The following PTPRD variants were observed in gnomAD, a reference collection of about 807,000 sequenced individuals.
The protein encoded by PTPRD is protein tyrosine phosphatase receptor type D, also known as receptor-type tyrosine-protein phosphatase delta.
In PTPRD, 34 loss-of-function variants were observed where a neutral mutation model predicts 214.5. The observed-to-expected ratio is 0.16, with a 90% CI of 0.12 to 0.21. PTPRD has a LOEUF of 0.21. Among genes scored for constraint, PTPRD ranks in the 10% least tolerant of loss-of-function variants. The pLI is 1.00. For synonymous variants in PTPRD, 1,128 were observed against 845.7 expected, an observed-to-expected ratio of 1.33 and a Z score of -5.79; for missense variants, 2,545 against 2,398.7, an observed-to-expected ratio of 1.06 and a Z score of -1.27.
chr9:8,915,687 G>A (rs1031130331), intron 11 of PTPRD, among the ~76,000 whole-genome samples: 5 of 152,110 alleles, frequency 3.3e-5, no homozygotes, highest in South Asian at 2.1e-4. Flanking sequence ...ACTCAAGTCC[G>A]AAGGCAGAAA....
chr9:8,579,995 G>A (rs2092900143), intron 14 of PTPRD, among the ~76,000 whole-genome samples: 1 of 152,158 alleles, frequency 6.6e-6, no homozygotes. Context: ...TGGTAGCTAT[G>A]AACATTCATC....
chr9:9,857,165 AT>A (rs2061715407), intron 5 of PTPRD, among the ~76,000 whole-genome samples: 1 of 152,148 alleles, frequency 6.6e-6, no homozygotes, highest in Non-Finnish European at 1.5e-5. Flanking sequence ...ATGATTGTTT[AT>A]GTCACAATTT....
chr9:9,120,127 G>A (rs1380886215), intron 10 of PTPRD, among the ~76,000 whole-genome samples: 1 of 152,278 alleles, frequency 6.6e-6, no homozygotes, highest in Middle Eastern at 3.4e-3. Context: ...TGATGTGCCT[G>A]ATTATATTTC....
intron 3 of PTPRD, among the ~76,000 whole-genome samples, chr9:10,074,649 T>C (rs142515443): frequency 5.9e-4 from 90 of 152,262 alleles, no homozygotes; most frequent in Non-Finnish European, 9.7e-4. Flanking sequence ...GTCACCAGTT[T>C]TTGAGGTTAT....
intron 35 of PTPRD, among the ~76,000 whole-genome samples, chr9:8,424,310 A>G (rs539855219): frequency 1.3e-5 from 2 of 152,120 alleles, no homozygotes; most frequent in Admixed American, 6.6e-5. Flanking sequence ...AACTATTTAT[A>G]GTGGTCAGAA....
chr9:9,890,093 A>C (rs946152142), intron 5 of PTPRD, among the ~76,000 whole-genome samples: 2 of 152,074 alleles, frequency 1.3e-5, no homozygotes, highest in Admixed American at 1.3e-4. Flanking sequence ...TGGGTGCTCT[A>C]TGTTAGCCTT....
At chr9:9,593,054 GAGAAAGAGAGAAAGAAAAAA>G (rs1312520256) in intron 7 of PTPRD, among the ~76,000 whole-genome samples, 123 of 143,834 alleles carry the variant, frequency 8.6e-4, no homozygotes, top group African/African-American at 3.0e-3. Flanking sequence ...AAAAGAGAAA[GAGAAAGAGAGAAAGAAAAAA>G]AGAAAGAGAG....
intron 14 of PTPRD, among the ~76,000 whole-genome samples, chr9:8,630,778 G>C (rs555389945): frequency 1.9e-4 from 29 of 151,958 alleles, no homozygotes; most frequent in African/African-American, 6.5e-4. Flanking sequence ...TGAAACTCCA[G>C]CCAACTGAGA....
At chr9:9,365,399 T>A (rs1310345817) in intron 9 of PTPRD, among the ~76,000 whole-genome samples, 1 of 151,594 alleles carries the variant, frequency 6.6e-6, no homozygotes, top group African/African-American at 2.4e-5. Context: ...AAATAATGTC[T>A]TTATTCATTC....
chr9:9,855,967 G>A (rs773097890), intron 5 of PTPRD, among the ~76,000 whole-genome samples: 1 of 152,168 alleles, frequency 6.6e-6, no homozygotes, highest in Non-Finnish European at 1.5e-5. Context: ...CCTCACTTGT[G>A]GCTCCAGAAC....
intron 11 of PTPRD, among the ~76,000 whole-genome samples, chr9:8,973,667 T>A (rs919525599): frequency 6.6e-6 from 1 of 152,144 alleles, no homozygotes; most frequent in Non-Finnish European, 1.5e-5. Context: ...GCTGAACTAA[T>A]TAACATTCCC....
chr9:9,741,944 G>A (rs1252895426), intron 6 of PTPRD, among the ~76,000 whole-genome samples: 1 of 152,160 alleles, frequency 6.6e-6, no homozygotes, highest in Non-Finnish European at 1.5e-5. Flanking sequence ...ATAGTAGAAT[G>A]ATTTATAATC....
At chr9:9,863,394 G>A (rs1280888563) in intron 5 of PTPRD, among the ~76,000 whole-genome samples, 2 of 152,182 alleles carry the variant, frequency 1.3e-5, no homozygotes, top group Admixed American at 6.5e-5. Context: ...GTAAAATCAA[G>A]AATGTAAGAG....
At chr9:8,858,450 C>A (rs1586745400) in intron 11 of PTPRD, 2 of 152,262 alleles carry the variant, frequency 1.3e-5, no homozygotes, top group African/African-American at 4.8e-5. Flanking sequence ...CTGGCTTGAA[C>A]CTGGTAGTTA....
intron 7 of PTPRD, among the ~76,000 whole-genome samples, chr9:9,680,195 A>T (rs1432661735): frequency 2.0e-5 from 3 of 151,762 alleles, no homozygotes; most frequent in African/African-American, 7.3e-5. Flanking sequence ...CATCACAACT[A>T]TTTCTCCACT....
intron 5 of PTPRD, among the ~76,000 whole-genome samples, chr9:9,841,831 C>T (rs968590828): frequency 1.3e-5 from 2 of 152,034 alleles, no homozygotes; most frequent in African/African-American, 2.4e-5. Flanking sequence ...AGGTTAAATA[C>T]TAGCATAAAT....
chr9:9,904,228 A>C (rs2077041580), intron 5 of PTPRD, among the ~76,000 whole-genome samples: 1 of 152,076 alleles, frequency 6.6e-6, no homozygotes, highest in Non-Finnish European at 1.5e-5. Context: ...TTTCAGCCAA[A>C]CGTTTGATGA....
intron 2 of PTPRD, among the ~76,000 whole-genome samples, chr9:10,373,996 A>G (rs952779243): frequency 6.6e-6 from 1 of 152,078 alleles, no homozygotes; most frequent in African/African-American, 2.4e-5. Context: ...TCATCCCCCG[A>G]AATATCTGTT....
intron 5 of PTPRD, among the ~76,000 whole-genome samples, chr9:9,809,743 T>A (rs1183209343): frequency 6.6e-6 from 1 of 152,126 alleles, no homozygotes; most frequent in Admixed American, 6.5e-5. Flanking sequence ...AAGCTAACAC[T>A]GACATTCAGA....
Sources: allele counts gnomAD v4.1 joint callset (sites outside exome capture counted in the v4.1 genomes callset), GRCh38; gene constraint gnomAD v4.1.1; transcripts MANE v1.5; gene names NCBI Gene and HGNC (gene_info 2026-07-23, HGNC 2026-07-21).